Variants in HMGCLL1 observed in about 807,000 individuals in gnomAD.
HMGCLL1 encodes 3-hydroxy-3-methylglutaryl-CoA lyase like 1.
In HMGCLL1, 36 loss-of-function variants were observed where a neutral mutation model predicts 39.1. The observed-to-expected ratio is 0.92, with a 90% CI of 0.71 to 1.22. The LOEUF (loss-of-function observed/expected upper bound fraction) is 1.22. Ranked by LOEUF, HMGCLL1 falls within the 50% of genes most tolerant of loss-of-function variation. The pLI, the probability that HMGCLL1 is intolerant of heterozygous loss-of-function variation, is 0.00. For synonymous variants in HMGCLL1, 149 were observed against 144.0 expected (o/e 1.03, Z -0.25); for missense variants, 451 against 416.5 (o/e 1.08, Z -0.72).
intron 3 of HMGCLL1, among the ~76,000 whole-genome samples, chr6:55,539,117 G>A (rs935903592): frequency 6.6e-6 from 1 of 152,160 alleles, no homozygotes; most frequent in Non-Finnish European, 1.5e-5. Flanking sequence ...GGCAGGACAT[G>A]TAAATAGAGG....
At chr6:55,636,034 C>A in the HMGCLL1 span, among the ~76,000 whole-genome samples, 9 of 152,190 alleles carry the variant, frequency 5.9e-5, no homozygotes, top group African/African-American at 2.2e-4. Context: ...TGTTTCCACT[C>A]TGAAACACTG....
chr6:55,577,448 T>C (rs1409159054), intron 1 of HMGCLL1, among the ~76,000 whole-genome samples: 2 of 152,138 alleles, frequency 1.3e-5, no homozygotes, highest in African/African-American at 2.4e-5. Flanking sequence ...AGGGCTATTA[T>C]ATCTTCAGAA....
At chr6:55,436,239 T>C (rs1763368911) in intron 8 of HMGCLL1, among the ~76,000 whole-genome samples, 1 of 152,020 alleles carries the variant, frequency 6.6e-6, no homozygotes, top group Non-Finnish European at 1.5e-5. Context: ...TATATACATA[T>C]ATATTTTTTA....
chr6:55,542,652 G>T (rs1486120326), intron 1 of HMGCLL1, among the ~76,000 whole-genome samples: 2 of 151,504 alleles, frequency 1.3e-5, no homozygotes, highest in Middle Eastern at 3.4e-3. Flanking sequence ...AGTGGTGGGT[G>T]CCTATAATCC....
At chr6:55,624,758 A>T in the HMGCLL1 span, among the ~76,000 whole-genome samples, 1 of 152,134 alleles carries the variant, frequency 6.6e-6, no homozygotes, top group Non-Finnish European at 1.5e-5. Context: ...GGGCCTGTTG[A>T]GATAGTCTTA....
chr6:55,668,905 G>A, the HMGCLL1 span, among the ~76,000 whole-genome samples: 2 of 151,752 alleles, frequency 1.3e-5, no homozygotes, highest in Admixed American at 6.6e-5. Context: ...TACAACTCCA[G>A]GGAGGGAAAC....
chr6:55,526,878 G>A (rs770657138), intron 3 of HMGCLL1, among the ~76,000 whole-genome samples: 73 of 152,134 alleles, frequency 4.8e-4, no homozygotes, highest in Non-Finnish European at 8.7e-4. Context: ...AGGGCCTAGA[G>A]TTCACTGGTT....
intron 1 of HMGCLL1, among the ~76,000 whole-genome samples, chr6:55,561,810 T>TATTTC (rs1770963040): frequency 6.6e-6 from 1 of 152,150 alleles, no homozygotes; most frequent in Admixed American, 6.6e-5. Context: ...TCTTTCATTT[T>TATTTC]ATTTCATTTC....
At chr6:55,461,304 TG>T (rs1400780207) in intron 7 of HMGCLL1, among the ~76,000 whole-genome samples, 2 of 151,938 alleles carry the variant, frequency 1.3e-5, no homozygotes, top group African/African-American at 4.8e-5. Context: ...AATCTCCAAC[TG>T]GGAGAAACAC....
At chr6:55,487,921 T>C (rs1214335814) in intron 7 of HMGCLL1, among the ~76,000 whole-genome samples, 1 of 152,084 alleles carries the variant, frequency 6.6e-6, no homozygotes, top group East Asian at 1.9e-4. Context: ...TTTAAGTTTG[T>C]CTCTGCTCCT....
the HMGCLL1 span, among the ~76,000 whole-genome samples, chr6:55,609,595 C>T: frequency 8.0e-3 from 1,221 of 152,178 alleles, 20 homozygotes; most frequent in African/African-American, 0.027. Flanking sequence ...AGTCTTTCCT[C>T]CTGCAAGCTC....
At chr6:55,611,478 T>A in the HMGCLL1 span, among the ~76,000 whole-genome samples, 1 of 152,064 alleles carries the variant, frequency 6.6e-6, no homozygotes, top group Admixed American at 6.6e-5. Context: ...GCCAGCGTTA[T>A]CCTGATACCA....
At chr6:55,633,457 A>G in the HMGCLL1 span, among the ~76,000 whole-genome samples, 1 of 151,754 alleles carries the variant, frequency 6.6e-6, no homozygotes, top group East Asian at 2.0e-4. Context: ...TGAAATGAGA[A>G]TAGTGTGCTC....
chr6:55,568,382 C>T (rs975160706), intron 1 of HMGCLL1, among the ~76,000 whole-genome samples: 2 of 152,122 alleles, frequency 1.3e-5, no homozygotes, highest in Admixed American at 6.6e-5. Context: ...GAAATGGTCT[C>T]ATTTAAATAT....
At chr6:55,554,791 C>T (rs960773913) in intron 1 of HMGCLL1, among the ~76,000 whole-genome samples, 3 of 152,130 alleles carry the variant, frequency 2.0e-5, no homozygotes, top group Non-Finnish European at 2.9e-5. Context: ...TAATCCATTC[C>T]TCTACATTCT....
At chr6:55,556,040 G>A (rs576559556) in intron 1 of HMGCLL1, among the ~76,000 whole-genome samples, 95 of 152,112 alleles carry the variant, frequency 6.2e-4, no homozygotes, top group African/African-American at 2.2e-3. Context: ...AAACTGGAAG[G>A]AGAAAAGTTG....
intron 1 of HMGCLL1, among the ~76,000 whole-genome samples, chr6:55,560,957 T>C (rs538990872): frequency 6.6e-6 from 1 of 152,272 alleles, no homozygotes; most frequent in South Asian, 2.1e-4. Flanking sequence ...ACCACAGTGG[T>C]TGATTTCAAT....
At chr6:55,579,651 C>T (rs892249634), upstream of HMGCLL1, among the ~76,000 whole-genome samples, 2 of 152,114 alleles carry the variant, frequency 1.3e-5, no homozygotes, top group African/African-American at 4.8e-5. Flanking sequence ...AAAAGATAGT[C>T]TTAAATTAGG....
Position 55,553,043 on chromosome 6 carries a change from T to C in HMGCLL1, c.109-10903A>G, listed in dbSNP as rs548266083. The stretch of plus-strand genomic sequence containing the variant: ...CTGTAATCCCAGCTACTCAGGAGGC[T>C]TAGGCAGGAGAATCACTTGAATCCG... On this transcript the variant is annotated intron_variant, in intron 1 of 8. Coordinates refer to ENST00000274901, the MANE Select transcript of HMGCLL1 (RefSeq NM_001042406.2). 1.1e-4 allele frequency among the ~76,000 whole-genome samples: 17 copies of C among 150,970 alleles called. No individual in the cohort carries two copies. In the South Asian group the frequency reaches 1.5e-3, roughly 13 times the overall value.
Sources: allele counts gnomAD v4.1 joint callset (sites outside exome capture counted in the v4.1 genomes callset), GRCh38; gene constraint gnomAD v4.1.1; transcripts MANE v1.5; gene names NCBI Gene and HGNC (gene_info 2026-07-23, HGNC 2026-07-21).